The following SLC30A8 variants were observed in gnomAD, a reference collection of about 807,000 sequenced individuals.
SLC30A8 encodes the protein solute carrier family 30 member 8.
In SLC30A8, 27 loss-of-function variants were observed where a neutral mutation model predicts 36.9. The ratio of observed to expected loss-of-function variants is 0.73; its 90% confidence interval spans 0.54 to 1.01. The LOEUF (loss-of-function observed/expected upper bound fraction) is 1.01. Ranked by LOEUF, SLC30A8 falls within the 50% of genes least tolerant of loss-of-function variation. The pLI, the probability that SLC30A8 is intolerant of heterozygous loss-of-function variation, is 0.00. For synonymous variants in SLC30A8, 164 were observed against 172.4 expected, an observed-to-expected ratio of 0.95 and a Z score of 0.38; for missense variants, 439 against 452.0, an observed-to-expected ratio of 0.97 and a Z score of 0.26.
chr8:116,960,588 C>T (rs879290661), intron 1 of SLC30A8, among the ~76,000 whole-genome samples: 3 of 152,150 alleles, frequency 2.0e-5, no homozygotes, highest in Non-Finnish European at 4.4e-5. Context: ...CATACAACGT[C>T]GCAGTAAGAG....
intron 1 of SLC30A8, among the ~76,000 whole-genome samples, chr8:116,957,480 A>G (rs1814255105): frequency 1.3e-5 from 2 of 152,208 alleles, no homozygotes. Context: ...CATGTTGGCC[A>G]GGCTGGTCTG....
At chr8:116,958,395 A>G (rs184502017) in intron 1 of SLC30A8, among the ~76,000 whole-genome samples, 8 of 150,414 alleles carry the variant, frequency 5.3e-5, no homozygotes, top group Admixed American at 4.6e-4. Flanking sequence ...TAACTTTTGT[A>G]TGCCTGAAAA....
At chr8:117,100,689 C>G (rs913165619) in intron 2 of SLC30A8, among the ~76,000 whole-genome samples, 1 of 152,198 alleles carries the variant, frequency 6.6e-6, no homozygotes, top group African/African-American at 2.4e-5. Context: ...CTTCAGACTT[C>G]AGTTCAATCT....
Position 117,135,382 on chromosome 8 carries a change from G to C in SLC30A8, c.55G>C (p.Ala19Pro). 1 of 1,599,168 alleles carries C rather than the reference G, an allele frequency of 6.3e-7. No individual in the cohort carries two copies. The highest frequency in any genetic ancestry group is 8.5e-7 in the Non-Finnish European group (1 of 1,170,966). Residue 19 changes from alanine to proline, a missense_variant, in exon 1 of 8, where the codon GCT (alanine) becomes CCT (proline). Physicochemically the swap from Ala to Pro is conservative, Grantham distance 27. Coordinates refer to ENST00000456015, the MANE Select transcript of SLC30A8 (RefSeq NM_173851.3). ...GAATGATAAAGCTGCCAAGATGTAT[G>C]CTTTCACACTAGAAAGGTAATAGAT... ...LVNDKAAKMY[A>P]FTLESVELQQ...
At chr8:117,090,469 G>A (rs1819068534) in intron 2 of SLC30A8, among the ~76,000 whole-genome samples, 1 of 152,134 alleles carries the variant, frequency 6.6e-6, no homozygotes, top group South Asian at 2.1e-4. Context: ...CACAGTTCTG[G>A]AGACTGAAAG....
intron 3 of SLC30A8, among the ~76,000 whole-genome samples, chr8:117,157,262 G>A (rs939873025): frequency 3.3e-5 from 5 of 152,068 alleles, no homozygotes; most frequent in African/African-American, 1.2e-4. Context: ...TCCATTGAAG[G>A]TGCTGGCACT....
chr8:116,988,276 A>T (rs889362259), intron 1 of SLC30A8, among the ~76,000 whole-genome samples: 11 of 152,222 alleles, frequency 7.2e-5, no homozygotes, highest in African/African-American at 2.4e-4. Context: ...AAGATATTTT[A>T]GGGTAAGCTC....
At chr8:117,085,461 C>T (rs915593872) in intron 2 of SLC30A8, among the ~76,000 whole-genome samples, 2 of 152,152 alleles carry the variant, frequency 1.3e-5, no homozygotes, top group Non-Finnish European at 2.9e-5. Flanking sequence ...AAGTTGTTTC[C>T]AAACATGAGA....
At chr8:117,104,114 AG>A (rs1819863308) in intron 2 of SLC30A8, among the ~76,000 whole-genome samples, 1 of 152,170 alleles carries the variant, frequency 6.6e-6, no homozygotes, top group Non-Finnish European at 1.5e-5. Context: ...CTTCAGCAAA[AG>A]AATGTCCAAC....
At chr8:117,121,524 C>T (rs954327103) in intron 2 of SLC30A8, among the ~76,000 whole-genome samples, 1 of 151,914 alleles carries the variant, frequency 6.6e-6, no homozygotes, top group African/African-American at 2.4e-5. Context: ...ATGATTCTCT[C>T]TTGTGCCTCT....
At chr8:117,050,350 C>A (rs1052016122) in intron 2 of SLC30A8, among the ~76,000 whole-genome samples, 1 of 151,760 alleles carries the variant, frequency 6.6e-6, no homozygotes, top group Non-Finnish European at 1.5e-5. Flanking sequence ...TGAGGGGGAG[C>A]AAGAGCTTGG....
At chr8:117,111,848 T>C (rs942372767) in intron 2 of SLC30A8, among the ~76,000 whole-genome samples, 1 of 152,112 alleles carries the variant, frequency 6.6e-6, no homozygotes, top group African/African-American at 2.4e-5. Context: ...GCTCTGCTCC[T>C]GGTTGAGGCA....
At chr8:117,080,798 C>A (rs950162184) in intron 2 of SLC30A8, among the ~76,000 whole-genome samples, 8 of 152,104 alleles carry the variant, frequency 5.3e-5, no homozygotes, top group Admixed American at 5.2e-4. Flanking sequence ...AATGAACACA[C>A]GGGTACATGC....
At chr8:117,054,098 C>CTTTTTTT (rs4060800) in intron 2 of SLC30A8, among the ~76,000 whole-genome samples, 15,809 of 122,930 alleles carry the variant, frequency 0.13, 1,213 homozygotes, top group Non-Finnish European at 0.16. Flanking sequence ...CTGCAAAAAT[C>CTTTTTTT]TTTTTTTTTT....
intron 2 of SLC30A8, among the ~76,000 whole-genome samples, chr8:117,062,799 A>G (rs1818060537): frequency 6.6e-6 from 1 of 152,144 alleles, no homozygotes; most frequent in African/African-American, 2.4e-5. Flanking sequence ...CCTCTCTCTT[A>G]CTGCAGGGCC....
chr8:117,022,356 T>A (rs115721703), intron 1 of SLC30A8, among the ~76,000 whole-genome samples: 1,546 of 152,258 alleles, frequency 0.01, 23 homozygotes, highest in African/African-American at 0.034. Flanking sequence ...TTTTTTTATG[T>A]TAGGTACATG....
intron 5 of SLC30A8, 108 bp downstream of exon 5, chr8:117,161,996 A>G: frequency 3.1e-6 from 3 of 971,912 alleles, no homozygotes; most frequent in Non-Finnish European, 2.9e-6. Flanking sequence ...GTTTACCTAT[A>G]CAAACTACTT....
Position 117,161,748 on chromosome 8 carries a change from GTTT to G in SLC30A8, c.585_587del (p.Leu196del). ...TGTTCTCTCTTTCAGACTAACTGTG[GTTT>G]TGCACCAGAGATGCCTTGGCCACAA... On this transcript the variant is annotated inframe_deletion, in exon 5 of 8. Transcript: ENST00000456015. 1 of 1,613,336 alleles carries G rather than the reference GTTT, an allele frequency of 6.2e-7. No individual in the cohort carries two copies. Among genetic ancestry groups the G allele is most frequent in the African/African-American group, 1.3e-5 (1 of 74,990 alleles).
intron 1 of SLC30A8, among the ~76,000 whole-genome samples, chr8:116,997,149 G>A (rs1032656823): frequency 4.6e-5 from 7 of 152,122 alleles, no homozygotes; most frequent in African/African-American, 1.4e-4. Flanking sequence ...GGCAGAAGAC[G>A]AAGGGGGTGA....
Sources: gnomAD v4.1 joint callset for allele counts (sites outside exome capture counted in the v4.1 genomes callset) on GRCh38, gnomAD v4.1.1 for gene constraint, MANE v1.5 for transcripts, NCBI Gene and HGNC (gene_info 2026-07-23, HGNC 2026-07-21) for gene names.